The following POLR3A variants were observed in gnomAD, a reference collection of about 807,000 sequenced individuals.
POLR3A encodes the protein RNA polymerase III subunit A.
A neutral mutation model predicts 152.8 loss-of-function variants in POLR3A; 112 were observed. That is an observed-to-expected ratio of 0.73 (90% CI 0.63 to 0.86). The LOEUF is 0.86. Among genes scored for constraint, POLR3A ranks in the 40% least tolerant of loss-of-function variants. POLR3A has a pLI of 0.00. For missense variants in POLR3A, 1,385 were observed against 1,743.1 expected, an observed-to-expected ratio of 0.79 and a Z score of 3.66; for synonymous variants, 615 against 652.1, an observed-to-expected ratio of 0.94 and a Z score of 0.87.
Position 77,985,169 on chromosome 10 carries a change from C to G in POLR3A, c.3242+1G>C. Reference sequence around the variant, plus strand: ...AACAAGAAGGAAATGAAAGCAGGCACCTGATGGCCTTGGAAGCGTTGATGA... The same window carrying G: ...AACAAGAAGGAAATGAAAGCAGGCAGCTGATGGCCTTGGAAGCGTTGATGA... On this transcript the variant is annotated splice_donor_variant, in intron 24 of 30. Coordinates refer to ENST00000372371, the MANE Select transcript of POLR3A (RefSeq NM_007055.4). LOFTEE classifies it high-confidence loss of function. The G allele has an allele frequency of 6.2e-7, 1 of 1,613,344 alleles. No homozygotes were observed. The highest frequency in any genetic ancestry group is 8.5e-7 in the Non-Finnish European group (1 of 1,179,226).
chr10:78,009,953 G>A lies in POLR3A; in HGVS notation c.1681C>T (p.Arg561Ter), dbSNP rs1472614573. 7 of 1,614,084 alleles carry A rather than the reference G, an allele frequency of 4.3e-6. No individual in the cohort carries two copies. The South Asian group carries it at 4.4e-5, about 10-fold the overall frequency. Residue 561 changes from arginine to a stop codon, truncating the protein, a stop_gained, in exon 13 of 31, where the codon CGA becomes TGA. Coordinates refer to ENST00000372371, the MANE Select transcript of POLR3A (RefSeq NM_007055.4). LOFTEE classifies it high-confidence loss of function. ...GCAATGATTTGGCAAGCCTTGGCTC[G>A]ATCAAAGAAAGTGTCCTTGAGAGTG... The part of the protein sequence containing the change: ...LLTLKDTFFD[R>*]AKACQIIASI...
rs1405398556 is a variant in POLR3A, at chr10:77,984,209, C to T, written c.3332G>A (p.Gly1111Glu). ...TCAATAGGGATTTCTTCTTACCTCT[C>T]CCAAGAGGGTTTTCTCAATTCTCCC... is the stretch of plus-strand genomic sequence containing the variant. ...VKGRIEKTLL[G>E]EISEYIEEVF... Residue 1111 changes from glycine (G) to glutamate (E), a missense_variant, in exon 25 of 31, where the codon GGA (glycine) becomes GAA (glutamate). Gly to Glu is a moderately conservative substitution (Grantham distance 98). Transcript: ENST00000372371. 6.3e-7 allele frequency: 1 copy of T among 1,597,294 alleles called. No individual in the cohort carries two copies. Among genetic ancestry groups the T allele is most frequent in the Non-Finnish European group, 8.6e-7 (1 of 1,164,918 alleles).
rs200214545 is a variant in POLR3A, at chr10:78,004,904, A to G, written c.2075-16T>C. 2 of 1,613,078 alleles carry G rather than the reference A, an allele frequency of 1.2e-6. No individual in the cohort carries two copies. Among genetic ancestry groups the G allele is most frequent in the African/African-American group, 1.3e-5 (1 of 75,014 alleles). On this transcript the variant is annotated splice_polypyrimidine_tract_variant and intron_variant, in intron 15 of 30. Transcript: ENST00000372371. ...CCACGGTTAGCTGTTGAGTTGGTAG[A>G]GCAGGAAGAAAGGGCCATAAATGAG...
chr10:77,990,024 G>A (rs1447967241), intron 21 of POLR3A, among the ~76,000 whole-genome samples: 1 of 152,082 alleles, frequency 6.6e-6, no homozygotes, highest in Non-Finnish European at 1.5e-5. Flanking sequence ...AGCTTCACTC[G>A]CTGTTTTTAT....
At chr10:78,015,430 C>A (rs2131953799) in intron 10 of POLR3A, among the ~76,000 whole-genome samples, 1 of 152,036 alleles carries the variant, frequency 6.6e-6, no homozygotes, top group South Asian at 2.1e-4. Flanking sequence ...TGGGTTCAAG[C>A]AATTCTCCTG....
intron 1 of POLR3A, among the ~76,000 whole-genome samples, chr10:78,027,553 A>ATTT (rs539681152): frequency 1.4e-5 from 2 of 147,616 alleles, no homozygotes; most frequent in Non-Finnish European, 3.0e-5. Context: ...CTGCTAGAGG[A>ATTT]TTTTTTTTTT....
chr10:78,024,039 C>CT (rs1554840655), intron 5 of POLR3A, among the ~76,000 whole-genome samples: 1 of 151,340 alleles, frequency 6.6e-6, no homozygotes, highest in Non-Finnish European at 1.5e-5. Flanking sequence ...GCCTTAGTGC[C>CT]AGATAAACAC....
chr10:77,989,276 T>C (rs1178655733), intron 21 of POLR3A, among the ~76,000 whole-genome samples: 2 of 152,196 alleles, frequency 1.3e-5, no homozygotes, highest in African/African-American at 2.4e-5. Context: ...AGCAGGCCTA[T>C]GAGCACGGGC....
At position 77,993,304 on chromosome 10, in the gene POLR3A, T is replaced by C. The variant is rs1038809415; in HGVS notation, c.2680A>G (p.Thr894Ala). ...TAAATGAACTGGATAATATCGCCAG[T>C]AGAGCTTCGGACTGTCAGATCATAC... Reference protein sequence around the residue: ...SQYDLTVRSSTGDIIQFIYGG... With the variant: ...SQYDLTVRSSAGDIIQFIYGG... The change falls in exon 20 of 31, where the codon ACT (threonine) becomes GCT (alanine). Residue 894 changes from threonine (T) to alanine (A), a missense_variant. Coordinates refer to ENST00000372371, the MANE Select transcript of POLR3A (RefSeq NM_007055.4). 2.5e-6 allele frequency: 4 copies of C among 1,612,780 alleles called. No homozygotes were observed. The highest frequency in any genetic ancestry group is 3.4e-6 in the Non-Finnish European group (4 of 1,178,936).
At chr10:77,977,730 C>G (rs1847103423) in intron 30 of POLR3A, 104 bp from the exon 31 acceptor site, 2 of 927,436 alleles carry the variant, frequency 2.2e-6, no homozygotes, top group Admixed American at 3.6e-5. Context: ...ATGTGAGTCC[C>G]AGCGCCACTC....
Position 78,021,892 on chromosome 10 carries a change from C to G in POLR3A, c.1016G>C (p.Arg339Thr). 6.2e-7 allele frequency: 1 copy of G among 1,614,110 alleles called. No homozygotes were observed. The highest frequency in any genetic ancestry group is 8.5e-7 in the Non-Finnish European group (1 of 1,180,040). Reference sequence around the variant, plus strand: ...TCCCTTCAGGCGTTGGACGAAGCCTCTGGTCCACTTCTTGGGTGCCATGTT... The same window carrying G: ...TCCCTTCAGGCGTTGGACGAAGCCTGTGGTCCACTTCTTGGGTGCCATGTT... ...PLNMAPKKWT[R>T]GFVQRLKGKQ... The change falls in exon 7 of 31, where the codon AGA (arginine) becomes ACA (threonine). Residue 339 changes from arginine (R) to threonine (T), a missense_variant. This residue lies in a region of POLR3A where 493 missense variants were observed against 647.5 expected (regional missense o/e 0.76). Transcript: ENST00000372371.
intron 10 of POLR3A, among the ~76,000 whole-genome samples, chr10:78,017,249 A>AC (rs1356446158): frequency 1.3e-5 from 2 of 151,694 alleles, no homozygotes; most frequent in Non-Finnish European, 2.9e-5. Context: ...ATATAGTGAG[A>AC]CCCCCGTCTC....
rs2559825 is a variant in POLR3A, at chr10:78,022,518, T to C, written c.646-134A>G. 603,328 of 908,322 alleles carry C rather than the reference T, an allele frequency of 0.66. 202,465 individuals carry two copies. The highest frequency in any genetic ancestry group is 0.85 in the African/African-American group (51,286 of 60,272). The allele number at this position is 908,322 out of a possible 1,614,324, so 56.3% of individuals were successfully genotyped here. A position where few individuals can be genotyped will look rare whatever the true frequency, so the allele number is the denominator to read the frequency against. On this transcript the variant is annotated intron_variant, in intron 5 of 30. Coordinates refer to ENST00000372371, the MANE Select transcript of POLR3A (RefSeq NM_007055.4). ...TGACAACAGAGATTTCTATGGATGATACGCTATGCTGCAAGAGCCTTAAAA... is the reference window on the plus strand; with the variant it reads ...TGACAACAGAGATTTCTATGGATGACACGCTATGCTGCAAGAGCCTTAAAA...
intron 29 of POLR3A, among the ~76,000 whole-genome samples, chr10:77,981,116 T>C (rs893605111): frequency 6.6e-6 from 1 of 152,166 alleles, no homozygotes; most frequent in African/African-American, 2.4e-5. Context: ...TGGGACTCTC[T>C]GGGCTTTGGC....
intron 26 of POLR3A, 141 bp from the exon 27 acceptor site, chr10:77,982,958 T>C (rs1354665373): frequency 1.4e-6 from 1 of 718,638 alleles, no homozygotes; most frequent in Non-Finnish European, 2.5e-6. Flanking sequence ...ACCATAAATA[T>C]GCTACATATG....
chr10:77,994,150 C>T (rs1847275069), intron 19 of POLR3A, among the ~76,000 whole-genome samples: 1 of 152,166 alleles, frequency 6.6e-6, no homozygotes, highest in South Asian at 2.1e-4. Context: ...AAGCAGCATG[C>T]TCCCACACTG....
chr10:78,021,811 G>C (rs752315732), intron 7 of POLR3A, 49 bp downstream of exon 7: 1 of 1,612,174 alleles, frequency 6.2e-7, no homozygotes, highest in Non-Finnish European at 8.5e-7. Context: ...TCCTGAAAAA[G>C]GAACCAAAGA....
At chr10:77,999,223 C>T (rs987149276) in intron 19 of POLR3A, among the ~76,000 whole-genome samples, 1 of 152,104 alleles carries the variant, frequency 6.6e-6, no homozygotes, top group African/African-American at 2.4e-5. Flanking sequence ...GGGTACAGCA[C>T]ACCAACATGG....
rs184965390 is a variant in POLR3A, at chr10:78,003,079, G to A, written c.2248-771C>T. 9.9e-5 allele frequency among the ~76,000 whole-genome samples: 15 copies of A among 152,274 alleles called. No individual in the cohort carries two copies. The East Asian group carries it at 2.1e-3, about 22-fold the overall frequency. ...GTCTGCAAGCTAGGCATGTGATGAG[G>A]TGACTTCACAAGAATATTCCGGCTC... is the stretch of plus-strand genomic sequence containing the variant. On this transcript the variant is annotated intron_variant, in intron 16 of 30. Transcript: ENST00000372371.
Sources: allele counts gnomAD v4.1 joint callset (sites outside exome capture counted in the v4.1 genomes callset), GRCh38; gene constraint gnomAD v4.1.1; regional missense constraint gnomAD v4.1.1; transcripts MANE v1.5; gene names NCBI Gene and HGNC (gene_info 2026-07-23, HGNC 2026-07-21).